The following ADGRG6 variants were observed in gnomAD, a reference collection of about 807,000 sequenced individuals.
ADGRG6 encodes the protein adhesion G protein-coupled receptor G6, also known as G-protein coupled receptor 126.
ADGRG6 carries 84 observed loss-of-function variants against 142.4 expected under a neutral mutation model. The observed-to-expected ratio is 0.59, with a 90% CI of 0.49 to 0.71. The LOEUF is 0.71. Ranked by LOEUF, ADGRG6 falls within the 30% of genes least tolerant of loss-of-function variation. The pLI, the probability that ADGRG6 is intolerant of heterozygous loss-of-function variation, is 0.00. For missense variants in ADGRG6, 1,367 were observed against 1,466.6 expected (o/e 0.93, Z 1.11); for synonymous variants, 521 against 520.5 (o/e 1.00, Z -0.01).
chr6:142,372,363 T>C (rs1300464043), intron 4 of ADGRG6, among the ~76,000 whole-genome samples: 1 of 152,190 alleles, frequency 6.6e-6, no homozygotes, highest in African/African-American at 2.4e-5. Flanking sequence ...TTGTATATGA[T>C]ATTGGAGGGA....
At chr6:142,322,434 AG>A (rs1437471999) in intron 2 of ADGRG6, among the ~76,000 whole-genome samples, 2 of 152,006 alleles carry the variant, frequency 1.3e-5, no homozygotes, top group Non-Finnish European at 2.9e-5. Context: ...TCGGAGGAAG[AG>A]AACCCATTTC....
chr6:142,434,326 AT>A (rs915107635), intron 22 of ADGRG6, among the ~76,000 whole-genome samples: 10 of 150,364 alleles, frequency 6.7e-5, no homozygotes, highest in Admixed American at 6.0e-4. Flanking sequence ...ATTTCCCAGA[AT>A]TTTTTTTTCT....
rs1582981565 is a variant in ADGRG6, at chr6:142,323,869, G to A, written c.103+14225G>A. ...GTTGACTGAAACGTTGTTATGGGGT[G>A]CATGGCTGTATAATGGAGCTGCCCT... On this transcript the variant is annotated intron_variant, in intron 2 of 24. Coordinates refer to ENST00000367609, the MANE Select transcript of ADGRG6 (RefSeq NM_198569.3). Among the ~76,000 whole-genome samples, 4 of 152,064 alleles carry A rather than the reference G, an allele frequency of 2.6e-5. No individual in the cohort carries two copies. The South Asian group carries it at 6.2e-4, about 24-fold the overall frequency.
chr6:142,435,091 T>C (rs1777417429), intron 22 of ADGRG6, among the ~76,000 whole-genome samples: 1 of 152,142 alleles, frequency 6.6e-6, no homozygotes, highest in Admixed American at 6.5e-5. Flanking sequence ...GAATACTCCA[T>C]ATTCAAAAGG....
chr6:142,425,054 TC>T (rs994124602), intron 22 of ADGRG6, among the ~76,000 whole-genome samples: 12 of 152,272 alleles, frequency 7.9e-5, no homozygotes, highest in African/African-American at 2.6e-4. Context: ...AACTCATATA[TC>T]CTGAGAACAA....
At chr6:142,342,970 A>G (rs550950924) in intron 2 of ADGRG6, among the ~76,000 whole-genome samples, 7 of 151,830 alleles carry the variant, frequency 4.6e-5, no homozygotes, top group African/African-American at 7.2e-5. Flanking sequence ...GCAGATATAC[A>G]TGAATGGATT....
chr6:142,398,792 G>C (rs1353897289), intron 10 of ADGRG6, among the ~76,000 whole-genome samples: 1 of 152,074 alleles, frequency 6.6e-6, no homozygotes, highest in Non-Finnish European at 1.5e-5. Flanking sequence ...ACTTCATGCT[G>C]TCCAGATGCC....
At chr6:142,405,614 A>C (rs1775762566) in intron 14 of ADGRG6, 74 bp from the exon 15 acceptor site, 3 of 1,222,112 alleles carry the variant, frequency 2.5e-6, no homozygotes, top group Admixed American at 3.8e-5. Context: ...CACTCGCCTA[A>C]CTATACATGT....
intron 2 of ADGRG6, among the ~76,000 whole-genome samples, chr6:142,338,491 A>G (rs1779457460): frequency 6.6e-6 from 1 of 150,482 alleles, no homozygotes; most frequent in African/African-American, 2.4e-5. Flanking sequence ...TGTATATTTA[A>G]TTATATTTAT....
chr6:142,442,862 A>T lies in ADGRG6; in HGVS notation c.3575-475A>T, dbSNP rs143325488. On this transcript the variant is annotated intron_variant, in intron 24 of 24. Transcript: ENST00000367609. ...CAAACCTATATAAAAAATAGAGAGGATACTATTATAAAGCCCCTTGTAACC... is the reference window on the plus strand; with the variant it reads ...CAAACCTATATAAAAAATAGAGAGGTTACTATTATAAAGCCCCTTGTAACC... 8.4e-3 allele frequency among the ~76,000 whole-genome samples: 1,274 copies of T among 152,178 alleles called. 16 individuals carry two copies. Among genetic ancestry groups the T allele is most frequent in the African/African-American group, 0.029 (1,204 of 41,544 alleles).
rs1261116197 is a variant in ADGRG6 at position 142,408,202 on chromosome 6, T to C, written c.2321T>C (p.Ile774Thr). 6 of 1,583,288 alleles carry C rather than the reference T, an allele frequency of 3.8e-6. No homozygotes were observed. Among genetic ancestry groups the C allele is most frequent in the Non-Finnish European group, 5.2e-6 (6 of 1,159,194 alleles). Residue 774 changes from isoleucine (I) to threonine (T), a missense_variant, in exon 16 of 25, where the codon ATT becomes ACT. Physicochemically the swap from Ile to Thr is moderately conservative, Grantham distance 89 (BLOSUM62 -1). This residue lies in a region of ADGRG6 where 286 missense variants were observed against 371.4 expected (regional missense o/e 0.77). Coordinates refer to ENST00000367609, the MANE Select transcript of ADGRG6 (RefSeq NM_198569.3). Reference protein sequence around the residue: ...TLVSYVMACSIGNITIQNLKD... With the variant: ...TLVSYVMACSTGNITIQNLKD... ...GTGAGTTATGTGATGGCGTGCAGTATTGGAAACATTACTATCCAGAATCTG... is the reference window on the plus strand; with the variant it reads ...GTGAGTTATGTGATGGCGTGCAGTACTGGAAACATTACTATCCAGAATCTG...
chr6:142,356,061 C>A lies in ADGRG6; in HGVS notation c.104-11508C>A, dbSNP rs545392325. 3.3e-5 allele frequency among the ~76,000 whole-genome samples: 5 copies of A among 152,274 alleles called. No homozygotes were observed. The South Asian group carries it at 1.0e-3, about 32-fold the overall frequency. On this transcript the variant is annotated intron_variant, in intron 2 of 24. Transcript: ENST00000367609. The stretch of plus-strand genomic sequence containing the variant: ...TGAGGTTAATGCATACATTGCCTCA[C>A]CCCCAGCCCAGTGCAATTTGAAATT...
chr6:142,415,011 A>G lies in ADGRG6; in HGVS notation c.2584A>G (p.Lys862Glu), dbSNP rs902620936. Residue 862 changes from lysine to glutamate, a missense_variant, in exon 19 of 25, where the codon AAA becomes GAA. Coordinates refer to ENST00000367609, the MANE Select transcript of ADGRG6 (RefSeq NM_198569.3). Reference sequence around the variant, plus strand: ...CTCACAGTTAGATGCAAGAAACACTAAAGTCCTCACTTTCATCAGCTATAT... The same window carrying G: ...CTCACAGTTAGATGCAAGAAACACTGAAGTCCTCACTTTCATCAGCTATAT... ...SASQLDARNT[K>E]VLTFISYIGC... 7.4e-6 allele frequency: 12 copies of G among 1,611,746 alleles called. No individual in the cohort carries two copies. In the East Asian group the frequency reaches 1.8e-4, roughly 24 times the overall value.
chr6:142,436,687 G>A lies in ADGRG6; in HGVS notation c.3320-747G>A, dbSNP rs76256615. 3.3e-4 allele frequency among the ~76,000 whole-genome samples: 51 copies of A among 152,262 alleles called. No homozygotes were observed. In the East Asian group the frequency reaches 8.9e-3, roughly 27 times the overall value. On this transcript the variant is annotated intron_variant, in intron 22 of 24. Transcript: ENST00000367609. Reference sequence around the variant, plus strand: ...TTAATGGACATAACCAAGTATAGAGGAATCAAGAGAAAGATCGATGATGCC... The same window carrying A: ...TTAATGGACATAACCAAGTATAGAGAAATCAAGAGAAAGATCGATGATGCC...
At chr6:142,429,643 G>T (rs964401811) in intron 22 of ADGRG6, among the ~76,000 whole-genome samples, 30 of 152,152 alleles carry the variant, frequency 2.0e-4, no homozygotes, top group African/African-American at 7.0e-4. Flanking sequence ...GGCTACTAAG[G>T]ATGCTCAGAG....
At chr6:142,376,016 C>T (rs2114900206) in intron 4 of ADGRG6, among the ~76,000 whole-genome samples, 1 of 152,170 alleles carries the variant, frequency 6.6e-6, no homozygotes, top group South Asian at 2.1e-4. Context: ...TTTTTAAAAA[C>T]ATGGTTAAAC....
intron 7 of ADGRG6, 35 bp from the exon 8 acceptor site, chr6:142,392,913 T>C (rs1774974574): frequency 6.9e-7 from 1 of 1,456,368 alleles, no homozygotes. Context: ...TTAAAGGTAT[T>C]AGCAAAACTC....
intron 21 of ADGRG6, 101 bp downstream of exon 21, chr6:142,417,470 G>C: frequency 1.5e-6 from 1 of 651,808 alleles, no homozygotes; most frequent in South Asian, 1.9e-5. Context: ...TTAAAAGGTT[G>C]ATGTTTATTC....
rs542604239 is a variant in ADGRG6 at position 142,354,283 on chromosome 6, G to A, written c.104-13286G>A. On this transcript the variant is annotated intron_variant, in intron 2 of 24. Coordinates refer to ENST00000367609, the MANE Select transcript of ADGRG6 (RefSeq NM_198569.3). ...AATCCCGGCTACTCAGGAGGCTGAG[G>A]CAAGAGAATCACTTGAACGAACTTG... 2.4e-3 allele frequency among the ~76,000 whole-genome samples: 358 copies of A among 152,336 alleles called. 2 individuals carry two copies. The highest frequency in any genetic ancestry group is 4.0e-3 in the Non-Finnish European group (272 of 68,028).
Sources: gnomAD v4.1 joint callset for allele counts (sites outside exome capture counted in the v4.1 genomes callset) on GRCh38, gnomAD v4.1.1 for gene constraint, gnomAD v4.1.1 regional missense constraint, MANE v1.5 for transcripts, NCBI Gene and HGNC (gene_info 2026-07-23, HGNC 2026-07-21) for gene names.